The following COL5A3 variants were observed in gnomAD, a reference collection of about 807,000 sequenced individuals.
The protein encoded by COL5A3 is collagen alpha-3(V) chain.
COL5A3 carries 172 observed loss-of-function variants against 250.0 expected under a neutral mutation model. The observed-to-expected ratio is 0.69, with a 90% confidence interval of 0.61 to 0.78. The LOEUF (loss-of-function observed/expected upper bound fraction) is 0.78, where lower values mean the gene tolerates loss of function less well. Ranked by LOEUF, COL5A3 falls within the 30% of genes least tolerant of loss-of-function variation. COL5A3 has a pLI of 0.00. For missense variants in COL5A3, 2,340 were observed against 2,334.4 expected (o/e 1.00, Z -0.05); for synonymous variants, 937 against 900.4 (o/e 1.04, Z -0.73).
At chr19:9,983,598 A>AAGAAAG (rs2087048207) in intron 31 of COL5A3, among the ~76,000 whole-genome samples, 1 of 84,420 alleles carries the variant, frequency 1.2e-5, no homozygotes, top group Non-Finnish European at 2.5e-5. Flanking sequence ...GAAAGAAAGA[A>AAGAAAG]AGAGAAAGAG....
In COL5A3 at chr19:9,995,357, C is replaced by A. The variant is rs151169206; in HGVS notation, c.1587+207G>T. On this transcript the variant is annotated intron_variant, in intron 16 of 66. Transcript: ENST00000264828. ...TCTGGTTCTATTTCAGATCTCAGGGCAAGCATCACTCCTGCAGGCAAGTCC... is the reference window on the plus strand; with the variant it reads ...TCTGGTTCTATTTCAGATCTCAGGGAAAGCATCACTCCTGCAGGCAAGTCC... Among the ~76,000 whole-genome samples, 30 of 152,328 alleles carry A rather than the reference C, an allele frequency of 2.0e-4. No individual in the cohort carries two copies. The East Asian group carries it at 5.2e-3, about 26-fold the overall frequency.
In COL5A3 at chr19:9,992,053, G is replaced by A. The variant is rs2087201167; in HGVS notation, c.1849-5C>T. The A allele has an allele frequency of 1.2e-6, 2 of 1,613,394 alleles. No individual in the cohort carries two copies. The highest frequency in any genetic ancestry group is 2.2e-5 in the South Asian group (2 of 90,982). On this transcript the variant is annotated splice_region_variant and splice_polypyrimidine_tract_variant and intron_variant, in intron 21 of 66. Coordinates refer to ENST00000264828, the MANE Select transcript of COL5A3 (RefSeq NM_015719.4). ...ACCATCAATTCCAGTCACACCCTAG[G>A]GGAAAAGAGGATGTGAGACCAAGAC... is the stretch of plus-strand genomic sequence containing the variant.
chr19:10,001,152 GT>G (rs533848005), intron 8 of COL5A3, among the ~76,000 whole-genome samples: 18 of 148,688 alleles, frequency 1.2e-4, no homozygotes, highest in African/African-American at 3.2e-4. Flanking sequence ...AAATTGTTCG[GT>G]TTTTTTTTTC....
At chr19:9,975,101 G>A (rs576747329) in intron 45 of COL5A3, among the ~76,000 whole-genome samples, 1 of 149,332 alleles carries the variant, frequency 6.7e-6, no homozygotes, top group Non-Finnish European at 1.5e-5. Context: ...TTGAGACGGA[G>A]TCTCCCTCTA....
At chr19:10,007,665 C>T (rs924922759) in intron 1 of COL5A3, among the ~76,000 whole-genome samples, 6 of 152,234 alleles carry the variant, frequency 3.9e-5, no homozygotes, top group Non-Finnish European at 8.8e-5. Context: ...CCCCTGGGGG[C>T]GGCTCTGCTG....
At position 9,961,044 on chromosome 19, in the gene COL5A3, C is replaced by A. The variant is rs534068248; in HGVS notation, c.4852-154G>T. On this transcript the variant is annotated intron_variant, in intron 65 of 66. Transcript: ENST00000264828. ...CCACCAGCCACCTAGAGATCCCTGG[C>A]AGAATCCCAAGAGTCACCTGAACAT... Among the ~76,000 whole-genome samples, 6 of 152,192 alleles carry A rather than the reference C, an allele frequency of 3.9e-5. No individual in the cohort carries two copies. In the South Asian group the frequency reaches 1.2e-3, roughly 32 times the overall value.
At chr19:9,982,958 T>C (rs1290152216) in intron 31 of COL5A3, among the ~76,000 whole-genome samples, 1 of 152,148 alleles carries the variant, frequency 6.6e-6, no homozygotes, top group African/African-American at 2.4e-5. Context: ...TGGGCTCAAG[T>C]GATCCTCCTA....
Position 9,968,326 on chromosome 19 carries a change from G to T in COL5A3, c.4314+59C>A. Reference sequence around the variant, plus strand: ...ACGTTTCCCAGACCCCACACCCACAGTCTCTCAACCGACCCCCTCCTTCAA... The same window carrying T: ...ACGTTTCCCAGACCCCACACCCACATTCTCTCAACCGACCCCCTCCTTCAA... On this transcript the variant is annotated intron_variant, in intron 59 of 66. Coordinates refer to ENST00000264828, the MANE Select transcript of COL5A3 (RefSeq NM_015719.4). The surrounding 1 kb of genome is among the most constrained non-coding windows in gnomAD (Gnocchi z 4.1). 7.2e-7 allele frequency: 1 copy of T among 1,394,070 alleles called. No homozygotes were observed. The highest frequency in any genetic ancestry group is 1.0e-6 in the Non-Finnish European group (1 of 998,478). 86.4% of individuals were successfully genotyped at this position (1,394,070 alleles called of 1,614,324 possible).
At chr19:9,979,028 T>A (rs760644253) in intron 39 of COL5A3, 48 bp from the exon 40 acceptor site, 1 of 1,486,070 alleles carries the variant, frequency 6.7e-7, no homozygotes, top group Non-Finnish European at 9.0e-7. Context: ...AGGGGATGTC[T>A]CCCTCCAATC....
chr19:9,966,340 G>C lies in COL5A3; in HGVS notation c.4756C>G (p.Leu1586Val), dbSNP rs757584003. The change falls in exon 64 of 67, where the codon CTC (leucine) becomes GTC (valine). Residue 1586 changes from leucine to valine, a missense_variant. This residue lies in a region of COL5A3 where 1,179 missense variants were observed against 1,162.6 expected (regional missense o/e 1.01). Coordinates refer to ENST00000264828, the MANE Select transcript of COL5A3 (RefSeq NM_015719.4). ...CNFTAGGETC[L>V]YPDKKFEIVK... ...ATCTCAAACTTCTTGTCGGGATAGAGGCAGGTCTCTCCTCCCGCCGTGAAG... is the reference window on the plus strand; with the variant it reads ...ATCTCAAACTTCTTGTCGGGATAGACGCAGGTCTCTCCTCCCGCCGTGAAG... 6.2e-6 allele frequency: 10 copies of C among 1,607,116 alleles called. No individual in the cohort carries two copies. In the Middle Eastern group the frequency reaches 1.3e-3, roughly 213 times the overall value.
At chr19:9,998,220 TCACACACACTTGCA>T (rs2087301558) in intron 8 of COL5A3, 71 bp from the exon 9 acceptor site, 1 of 1,412,812 alleles carries the variant, frequency 7.1e-7, no homozygotes, top group Non-Finnish European at 9.7e-7. Flanking sequence ...AGTTATCTGA[TCACACACACTTGCA>T]CACACACACA....
At chr19:9,982,207 C>T in intron 31 of COL5A3, 89 bp from the exon 32 acceptor site, 1 of 857,716 alleles carries the variant, frequency 1.2e-6, no homozygotes, top group Non-Finnish European at 1.8e-6. Context: ...TGAGGCATTT[C>T]CAGGTCACTG....
chr19:9,996,290 G>A (rs1210522463), intron 13 of COL5A3, 28 bp from the exon 14 acceptor site: 2 of 1,553,012 alleles, frequency 1.3e-6, no homozygotes, highest in South Asian at 1.2e-5. Context: ...TCAGAGCTTG[G>A]GGCCTCCCAC....
chr19:9,997,436 G>T lies in COL5A3; in HGVS notation c.1201-3C>A. 6.3e-7 allele frequency: 1 copy of T among 1,598,734 alleles called. No homozygotes were observed. The highest frequency in any genetic ancestry group is 1.1e-5 in the South Asian group (1 of 88,608). Reference sequence around the variant, plus strand: ...GGGCCTGAGGGGCCAACCACCCCCTGTTGGGGACAGAGAAACAGGAGTCAC... The same window carrying T: ...GGGCCTGAGGGGCCAACCACCCCCTTTTGGGGACAGAGAAACAGGAGTCAC... On this transcript the variant is annotated splice_polypyrimidine_tract_variant and splice_region_variant and intron_variant, in intron 10 of 66. Coordinates refer to ENST00000264828, the MANE Select transcript of COL5A3 (RefSeq NM_015719.4).
At position 9,968,844 on chromosome 19, in the gene COL5A3, G is replaced by T; in HGVS notation, c.4153-116C>A. 1 of 937,816 alleles carries T rather than the reference G, an allele frequency of 1.1e-6. No homozygotes were observed. 58.1% of individuals were successfully genotyped at this position (937,816 alleles called of 1,614,324 possible). On this transcript the variant is annotated intron_variant, in intron 57 of 66. Transcript: ENST00000264828. The surrounding 1 kb of genome is among the most constrained non-coding windows in gnomAD (Gnocchi z 4.1). ...GCAGATTTCAAATGGGAATTACCAG[G>T]GATGAGGTCAAGGGATGGTCAGAGT... is the stretch of plus-strand genomic sequence containing the variant.
intron 11 of COL5A3, 86 bp downstream of exon 11, chr19:9,997,285 C>T (rs1020266614): frequency 2.0e-6 from 2 of 1,018,554 alleles, no homozygotes; most frequent in African/African-American, 3.1e-5. Flanking sequence ...GAGTGCCACA[C>T]CCTCATATCT....
At chr19:9,969,554 C>T (rs2086799180) in intron 56 of COL5A3, 21 bp downstream of exon 56, 1 of 1,608,418 alleles carries the variant, frequency 6.2e-7, no homozygotes, top group Non-Finnish European at 8.5e-7. Flanking sequence ...CCCTGTCCCA[C>T]CCCTGCCCCG....
In COL5A3 at chr19:9,966,379, T is replaced by G. The variant is rs1396781851; in HGVS notation, c.4717A>C (p.Arg1573=). ...CCCGCCGTGAAGTTGCAAAAAACCC[T>G]GAACGAGTCCCGCGCGCAGCCCTGG... ...PNQGCARDSF[R]VFCNFTAGGE... is the part of the protein sequence containing the mutation. Residue 1573 remains arginine (R), a synonymous_variant, in exon 64 of 67, where the codon AGG becomes CGG. Coordinates refer to ENST00000264828, the MANE Select transcript of COL5A3 (RefSeq NM_015719.4). 1.2e-6 allele frequency: 2 copies of G among 1,610,126 alleles called. No individual in the cohort carries two copies. Among genetic ancestry groups the G allele is most frequent in the South Asian group, 2.2e-5 (2 of 90,448 alleles).
At chr19:9,980,591 A>ATCTCTCTC (rs59038787) in intron 35 of COL5A3, 57 bp downstream of exon 35, 5 of 1,505,416 alleles carry the variant, frequency 3.3e-6, no homozygotes, top group African/African-American at 1.4e-5. Flanking sequence ...TCCACTCAGA[A>ATCTCTCTC]TCTCTCTCTC....
Sources: allele counts gnomAD v4.1 joint callset (sites outside exome capture counted in the v4.1 genomes callset), GRCh38; gene constraint gnomAD v4.1.1; regional missense constraint gnomAD v4.1.1; non-coding constraint Gnocchi (gnomAD v3.1); transcripts MANE v1.5; gene names NCBI Gene and HGNC (gene_info 2026-07-23, HGNC 2026-07-21).